SULF1: variants seen among roughly 807,000 people sequenced by gnomAD.
SULF1 encodes sulfatase 1, also known as extracellular sulfatase Sulf-1.
In SULF1, 46 loss-of-function variants were observed where a neutral mutation model predicts 110.5. The observed-to-expected ratio is 0.42, with a 90% CI of 0.33 to 0.53. The LOEUF (loss-of-function observed/expected upper bound fraction) is 0.53, where lower values mean the gene tolerates loss of function less well. Ranked by LOEUF, SULF1 falls within the 20% of genes least tolerant of loss-of-function variation. The pLI, the probability that SULF1 is intolerant of heterozygous loss-of-function variation, is 0.12. For synonymous variants in SULF1, 371 were observed against 387.1 expected (o/e 0.96, Z 0.49); for missense variants, 941 against 1,094.2 (o/e 0.86, Z 1.98).
chr8:69,553,690 C>T (rs1473664215), intron 3 of SULF1, among the ~76,000 whole-genome samples: 1 of 152,166 alleles, frequency 6.6e-6, no homozygotes, highest in African/African-American at 2.4e-5. Context: ...TTGGCTAATC[C>T]ACCCATCATT....
intron 3 of SULF1, among the ~76,000 whole-genome samples, chr8:69,505,878 T>C (rs965043540): frequency 7.2e-5 from 11 of 152,078 alleles, no homozygotes; most frequent in Non-Finnish European, 1.5e-4. Context: ...AAAAACCATA[T>C]AACAGTCGCT....
rs115209097 is a variant in SULF1, at chr8:69,571,675, C to T, written c.173-4295C>T. ...AACAAAACTGAGCCCTTCCACTTAT[C>T]GGACAGACATTGTCCTGTCCACTGC... On this transcript the variant is annotated intron_variant, in intron 5 of 22. Coordinates refer to ENST00000402687, the MANE Select transcript of SULF1 (RefSeq NM_001128205.2). Among the ~76,000 whole-genome samples the T allele has an allele frequency of 3.9e-3, 598 of 152,340 alleles. 2 individuals carry two copies. The highest frequency in any genetic ancestry group is 0.014 in the African/African-American group (576 of 41,576).
intron 1 of SULF1, among the ~76,000 whole-genome samples, chr8:69,481,365 T>G (rs888796733): frequency 6.6e-6 from 1 of 152,202 alleles, no homozygotes; most frequent in Non-Finnish European, 1.5e-5. Context: ...AACTTTATAA[T>G]AGTGAATGCT....
At chr8:69,536,043 G>A (rs1467834651) in intron 3 of SULF1, among the ~76,000 whole-genome samples, 5 of 151,496 alleles carry the variant, frequency 3.3e-5, no homozygotes, top group Admixed American at 3.3e-4. Flanking sequence ...TAAAATCCCT[G>A]CAAGCAATCA....
Position 69,637,192 on chromosome 8 carries a change from T to A in SULF1, c.2285-1310T>A, listed in dbSNP as rs139996481. On this transcript the variant is annotated intron_variant, in intron 19 of 22. Coordinates refer to ENST00000402687, the MANE Select transcript of SULF1 (RefSeq NM_001128205.2). ...TGACCATAGAAGGGTCGACGTTGAG[T>A]TCTTCCACAAATTCTCATGTAGCTG... Among the ~76,000 whole-genome samples the A allele has an allele frequency of 2.6e-4, 40 of 152,340 alleles. No individual in the cohort carries two copies. The East Asian group carries it at 7.7e-3, about 29-fold the overall frequency.
intron 3 of SULF1, among the ~76,000 whole-genome samples, chr8:69,554,493 T>G (rs1055315077): frequency 6.6e-6 from 1 of 152,174 alleles, no homozygotes; most frequent in African/African-American, 2.4e-5. Flanking sequence ...AATAAAATGC[T>G]AAGTTTTTAT....
chr8:69,529,411 G>T (rs111338956), intron 3 of SULF1, among the ~76,000 whole-genome samples: 1 of 152,086 alleles, frequency 6.6e-6, no homozygotes, highest in African/African-American at 2.4e-5. Context: ...AAACTGAATC[G>T]CACCTTCAGT....
chr8:69,599,207 A>C (rs557797864), intron 8 of SULF1, among the ~76,000 whole-genome samples: 14 of 152,330 alleles, frequency 9.2e-5, no homozygotes, highest in Admixed American at 2.0e-4. Context: ...TATAATATAA[A>C]TAATGGCATG....
intron 5 of SULF1, among the ~76,000 whole-genome samples, chr8:69,574,775 G>A (rs1004348848): frequency 1.4e-4 from 22 of 152,204 alleles, no homozygotes; most frequent in African/African-American, 5.3e-4. Context: ...AGAAGAGAAA[G>A]AGCAGTTAGG....
chr8:69,475,909 T>A (rs1809283925), intron 1 of SULF1, among the ~76,000 whole-genome samples: 1 of 152,202 alleles, frequency 6.6e-6, no homozygotes, highest in African/African-American at 2.4e-5. Flanking sequence ...AAAAAAATTT[T>A]CTCAGATTAA....
chr8:69,614,580 A>G (rs950701946), intron 13 of SULF1, among the ~76,000 whole-genome samples: 1 of 152,252 alleles, frequency 6.6e-6, no homozygotes, highest in Non-Finnish European at 1.5e-5. Context: ...CTAGCTGCAC[A>G]CTATTTGTAT....
chr8:69,554,689 A>C (rs1814962810), intron 3 of SULF1, among the ~76,000 whole-genome samples: 1 of 152,070 alleles, frequency 6.6e-6, no homozygotes, highest in African/African-American at 2.4e-5. Context: ...AAAAAGAAAG[A>C]AAGAAATTGG....
chr8:69,648,977 A>G (rs1232131318), intron 22 of SULF1, among the ~76,000 whole-genome samples: 1 of 152,210 alleles, frequency 6.6e-6, no homozygotes, highest in Non-Finnish European at 1.5e-5. Flanking sequence ...ATTGGGGAAT[A>G]ATTATCTGTA....
rs77194969 is a variant in SULF1 at position 69,512,345 on chromosome 8, A to G, written c.-134+10377A>G. 7.6e-3 allele frequency among the ~76,000 whole-genome samples: 1,153 copies of G among 152,310 alleles called. 20 individuals carry two copies. Among genetic ancestry groups the G allele is most frequent in the African/African-American group, 0.026 (1,098 of 41,558 alleles). On this transcript the variant is annotated intron_variant, in intron 3 of 22. Coordinates refer to ENST00000402687, the MANE Select transcript of SULF1 (RefSeq NM_001128205.2). ...ATCTACCAAGTGAAAGTTAAAGGTG[A>G]TCATCAGCATGGCCTGAAATGAACA...
chr8:69,630,967 C>CCT (rs1313435725), intron 19 of SULF1, among the ~76,000 whole-genome samples: 3 of 151,438 alleles, frequency 2.0e-5, no homozygotes, highest in Admixed American at 1.3e-4. Context: ...ATCCCTCCCC[C>CCT]CTGCCCCCAC....
Position 69,589,116 on chromosome 8 carries a change from C to CCAA in SULF1, c.709_710insCAA (p.Leu237delinsProMet). Reference sequence around the variant, plus strand: ...GGACTCAGCCCCACAGTTTTCTAAACTGTACCCCAATGCTTCCCAACACAT... The same window carrying CCAA: ...GGACTCAGCCCCACAGTTTTCTAAACCAATGTACCCCAATGCTTCCCAACACAT... On this transcript the variant is annotated protein_altering_variant, in exon 8 of 23. Transcript: ENST00000402687. 1 of 1,614,064 alleles carries CCAA rather than the reference C, an allele frequency of 6.2e-7. No individual in the cohort carries two copies. The highest frequency in any genetic ancestry group is 8.5e-7 in the Non-Finnish European group (1 of 1,179,954).
rs545639284 is a variant in SULF1, at chr8:69,660,468, T to A, written c.*1933T>A. The stretch of plus-strand genomic sequence containing the variant: ...AGGTTTTTAAATACCAGCTAAAGGA[T>A]TACCTCACTGAGTCATCAGTACCCT... On this transcript the variant is annotated 3_prime_UTR_variant, in exon 23 of 23. Coordinates refer to ENST00000402687, the MANE Select transcript of SULF1 (RefSeq NM_001128205.2). The A allele has an allele frequency of 1.3e-5, 2 of 152,760 alleles. No individual in the cohort carries two copies. Among genetic ancestry groups the A allele is most frequent in the South Asian group, 4.1e-4 (2 of 4,830 alleles). The allele number at this position is 152,760 out of a possible 1,614,324, so 9.5% of individuals were successfully genotyped here.
intron 3 of SULF1, among the ~76,000 whole-genome samples, chr8:69,521,403 T>C (rs898312351): frequency 2.6e-5 from 4 of 151,934 alleles, no homozygotes; most frequent in African/African-American, 9.7e-5. Flanking sequence ...TAGAGCAAAA[T>C]TAGAGATCAG....
intron 2 of SULF1, among the ~76,000 whole-genome samples, chr8:69,501,433 G>T (rs977042159): frequency 6.6e-6 from 1 of 152,152 alleles, no homozygotes; most frequent in African/African-American, 2.4e-5. Context: ...TGCTTACTTT[G>T]CTAGTCATCA....
Sources: allele counts gnomAD v4.1 joint callset (sites outside exome capture counted in the v4.1 genomes callset), GRCh38; gene constraint gnomAD v4.1.1; transcripts MANE v1.5; gene names NCBI Gene and HGNC (gene_info 2026-07-23, HGNC 2026-07-21).